CTNNA3: variants seen among roughly 807,000 people sequenced by gnomAD.
CTNNA3 encodes the protein catenin alpha 3.
In CTNNA3, 76 loss-of-function variants were observed where a neutral mutation model predicts 95.7. The observed-to-expected ratio is 0.79, with a 90% confidence interval of 0.66 to 0.96. The LOEUF (loss-of-function observed/expected upper bound fraction) is 0.96, where lower values mean the gene tolerates loss of function less well. Ranked by LOEUF, CTNNA3 falls within the 40% of genes least tolerant of loss-of-function variation. CTNNA3 has a pLI of 0.00. For missense variants in CTNNA3, 1,191 were observed against 1,089.8 expected (o/e 1.09, Z -1.31); for synonymous variants, 431 against 374.4 (o/e 1.15, Z -1.74).
intron 11 of CTNNA3, among the ~76,000 whole-genome samples, chr10:66,476,179 A>T (rs1395232368): frequency 6.6e-6 from 1 of 150,710 alleles, no homozygotes; most frequent in Non-Finnish European, 1.5e-5. Flanking sequence ...ACATGGACAC[A>T]GGGAGGGGAA....
chr10:67,197,332 T>C lies in CTNNA3; in HGVS notation c.844-16812A>G, dbSNP rs116349828. The stretch of plus-strand genomic sequence containing the variant: ...AAGTGGAAAAAATAAGTAATCCCAA[T>C]TGTGCTCTATTTCTGTTTGATTCTA... On this transcript the variant is annotated intron_variant, in intron 6 of 17. Transcript: ENST00000433211. Among the ~76,000 whole-genome samples the C allele has an allele frequency of 7.1e-3, 1,086 of 152,220 alleles. 20 individuals carry two copies. The highest frequency in any genetic ancestry group is 0.025 in the African/African-American group (1,028 of 41,558).
At chr10:67,313,404 C>G (rs1243309577) in intron 5 of CTNNA3, among the ~76,000 whole-genome samples, 1 of 151,482 alleles carries the variant, frequency 6.6e-6, no homozygotes, top group African/African-American at 2.4e-5. Context: ...TGCACTCCAG[C>G]CTGGGCGACA....
intron 12 of CTNNA3, among the ~76,000 whole-genome samples, chr10:66,352,268 T>C (rs2092572436): frequency 6.6e-6 from 1 of 152,080 alleles, no homozygotes; most frequent in African/African-American, 2.4e-5. Context: ...CCTCCTTGTA[T>C]CTCATTTCAT....
chr10:65,993,992 C>G (rs544751152), intron 15 of CTNNA3, among the ~76,000 whole-genome samples: 2 of 152,112 alleles, frequency 1.3e-5, no homozygotes, highest in African/African-American at 4.8e-5. Flanking sequence ...CCTCAGCCTC[C>G]CAAAGTGCTG....
At chr10:67,300,943 A>G (rs1691055876) in intron 5 of CTNNA3, among the ~76,000 whole-genome samples, 3 of 152,172 alleles carry the variant, frequency 2.0e-5, no homozygotes, top group Non-Finnish European at 1.5e-5. Flanking sequence ...TATGTACAAT[A>G]TTTTTTATTT....
At chr10:66,256,584 G>T (rs1028523105) in intron 13 of CTNNA3, among the ~76,000 whole-genome samples, 1 of 152,052 alleles carries the variant, frequency 6.6e-6, no homozygotes, top group Non-Finnish European at 1.5e-5. Flanking sequence ...AGCCGGTCAT[G>T]GTGGCACATG....
At chr10:66,160,722 C>T (rs768365460) in intron 13 of CTNNA3, among the ~76,000 whole-genome samples, 4 of 151,986 alleles carry the variant, frequency 2.6e-5, no homozygotes, top group Non-Finnish European at 4.4e-5. Context: ...AGTTTTAATT[C>T]ATTGTTTCTT....
intron 12 of CTNNA3, among the ~76,000 whole-genome samples, chr10:66,360,269 A>G (rs1039813389): frequency 6.6e-6 from 1 of 151,132 alleles, no homozygotes; most frequent in Admixed American, 6.6e-5. Context: ...ATATCTGTAC[A>G]TTGAAAATAA....
At chr10:65,971,420 G>A (rs1341379444) in intron 16 of CTNNA3, among the ~76,000 whole-genome samples, 4 of 144,762 alleles carry the variant, frequency 2.8e-5, no homozygotes, top group African/African-American at 1.0e-4. Flanking sequence ...TCGGTAGACT[G>A]CTAGCTAGAT....
At chr10:66,189,167 C>T (rs889832085) in intron 13 of CTNNA3, among the ~76,000 whole-genome samples, 11 of 151,370 alleles carry the variant, frequency 7.3e-5, no homozygotes, top group African/African-American at 1.9e-4. Flanking sequence ...TCTCCTAATC[C>T]GTATGCTGCT....
chr10:67,068,210 G>A (rs1856210628), intron 7 of CTNNA3, among the ~76,000 whole-genome samples: 3 of 152,230 alleles, frequency 2.0e-5, no homozygotes, highest in Non-Finnish European at 4.4e-5. Context: ...AAAAGAAGGT[G>A]GATTGGACCT....
rs75157652 is a variant in CTNNA3, at chr10:67,184,669, A to G, written c.844-4149T>C. The stretch of plus-strand genomic sequence containing the variant: ...TGCCACCTTGAGCTTCATCTTTGAC[A>G]TCATCTCATCCCTTACTAAAATGAG... On this transcript the variant is annotated intron_variant, in intron 6 of 17. Coordinates refer to ENST00000433211, the MANE Select transcript of CTNNA3 (RefSeq NM_013266.4). 7.9e-3 allele frequency among the ~76,000 whole-genome samples: 1,205 copies of G among 152,308 alleles called. 52 individuals are homozygous for G. In the East Asian group the frequency reaches 0.12, roughly 15 times the overall value.
chr10:66,397,724 T>G (rs954455764), intron 11 of CTNNA3, among the ~76,000 whole-genome samples: 1 of 151,806 alleles, frequency 6.6e-6, no homozygotes, highest in Non-Finnish European at 1.5e-5. Context: ...ATAATGTACA[T>G]GGGTAAACAA....
rs1323252087 is a variant in CTNNA3 at position 65,919,563 on chromosome 10, A to G, written c.*767T>C. On this transcript the variant is annotated 3_prime_UTR_variant, in exon 18 of 18. Transcript: ENST00000433211. ...CAATGGGTGATAACTCTTCTTTCAC[A>G]TATGTATTCGGATAGGCCTAACACT... 1.3e-5 allele frequency: 2 copies of G among 152,162 alleles called. No homozygotes were observed. The highest frequency in any genetic ancestry group is 2.9e-5 in the Non-Finnish European group (2 of 68,026). 9.4% of individuals were successfully genotyped at this position (152,162 alleles called of 1,614,324 possible). A position where few individuals can be genotyped will look rare whatever the true frequency, so the allele number is the denominator to read the frequency against.
chr10:66,775,633 T>G, intron 7 of CTNNA3, 109 bp from the exon 8 acceptor site: 1 of 726,338 alleles, frequency 1.4e-6, no homozygotes, highest in Middle Eastern at 2.5e-4. Flanking sequence ...CAAGAATAGG[T>G]TTCAAAACTG....
intron 1 of CTNNA3, among the ~76,000 whole-genome samples, chr10:67,741,216 G>GA (rs1373472564): frequency 6.6e-6 from 1 of 150,476 alleles, no homozygotes; most frequent in African/African-American, 2.4e-5. Context: ...GCTAGATGAC[G>GA]AGTTAGTGGG....
intron 5 of CTNNA3, among the ~76,000 whole-genome samples, chr10:67,254,953 G>T (rs1248144269): frequency 6.6e-6 from 1 of 152,140 alleles, no homozygotes; most frequent in Non-Finnish European, 1.5e-5. Context: ...CCTAAATTTT[G>T]AAGTGTCACT....
At chr10:66,551,896 C>CTTTTTTTTTTTTT (rs141885331) in intron 10 of CTNNA3, among the ~76,000 whole-genome samples, 2 of 113,964 alleles carry the variant, frequency 1.8e-5, no homozygotes, top group African/African-American at 3.2e-5. Flanking sequence ...TTTTCTTTTC[C>CTTTTTTTTTTTTT]TTTTTTTTTT....
chr10:66,903,329 C>T, intron 7 of CTNNA3, among the ~76,000 whole-genome samples: 1 of 152,178 alleles, frequency 6.6e-6, no homozygotes, highest in East Asian at 1.9e-4. Context: ...ATTCAATAGC[C>T]CTTCCTGCTA....
Sources: gnomAD v4.1 joint callset for allele counts (sites outside exome capture counted in the v4.1 genomes callset) on GRCh38, gnomAD v4.1.1 for gene constraint, MANE v1.5 for transcripts, NCBI Gene and HGNC (gene_info 2026-07-23, HGNC 2026-07-21) for gene names.